The following USP8 variants were observed in gnomAD, a reference collection of about 807,000 sequenced individuals.
USP8 encodes the protein ubiquitin carboxyl-terminal hydrolase 8.
Under a neutral mutation model 130.0 loss-of-function variants are expected in USP8, and 27 were observed. That is an observed-to-expected ratio of 0.21 (90% CI 0.15 to 0.29). The LOEUF (loss-of-function observed/expected upper bound fraction) is 0.29. Ranked by LOEUF, USP8 falls within the 10% of genes least tolerant of loss-of-function variation. USP8 has a pLI of 1.00. For synonymous variants in USP8, 392 were observed against 444.1 expected, an observed-to-expected ratio of 0.88 and a Z score of 1.48; for missense variants, 1,029 against 1,312.2, an observed-to-expected ratio of 0.78 and a Z score of 3.33.
In USP8 at chr15:50,510,449, T is replaced by C. The variant is rs139172953; in HGVS notation, c.*11361T>C. On this transcript the variant is annotated 3_prime_UTR_variant, in exon 20 of 20. Coordinates refer to ENST00000307179, the MANE Select transcript of USP8 (RefSeq NM_005154.5). ...CAGTTTGTGAATTTTGGATGGATTC[T>C]GGTCTTTGAAAAAAAATGCTACTAA... 2 of 152,198 alleles carry C rather than the reference T, an allele frequency of 1.3e-5. No individual in the cohort carries two copies. The highest frequency in any genetic ancestry group is 2.4e-5 in the African/African-American group (1 of 41,530). The allele number at this position is 152,198 out of a possible 1,614,324, so 9.4% of individuals were successfully genotyped here.
At chr15:50,470,998 AAGAAC>A (rs1221774398) in intron 7 of USP8, among the ~76,000 whole-genome samples, 1 of 152,202 alleles carries the variant, frequency 6.6e-6, no homozygotes, top group African/African-American at 2.4e-5. Context: ...CAGCATAGCA[AAGAAC>A]ATGTACATGA....
rs145846038 is a variant in USP8 at position 50,503,505 on chromosome 15, C to T, written c.*4417C>T. ...AGGTGAGAAGTTGGATTGAGATCCA[C>T]ATACAAAGCCAGGACCTTTAAAGAC... is the stretch of plus-strand genomic sequence containing the variant. On this transcript the variant is annotated 3_prime_UTR_variant, in exon 20 of 20. Transcript: ENST00000307179. 3.9e-4 allele frequency: 59 copies of T among 152,328 alleles called. No individual in the cohort carries two copies. The highest frequency in any genetic ancestry group is 1.3e-3 in the African/African-American group (56 of 41,578). 9.4% of individuals were successfully genotyped at this position (152,328 alleles called of 1,614,324 possible). A position where few individuals can be genotyped will look rare whatever the true frequency, so the allele number is the denominator to read the frequency against.
chr15:50,476,943 C>G lies in USP8; in HGVS notation c.944C>G (p.Ala315Gly). 1 of 1,609,618 alleles carries G rather than the reference C, an allele frequency of 6.2e-7. No homozygotes were observed. The highest frequency in any genetic ancestry group is 8.5e-7 in the Non-Finnish European group (1 of 1,179,242). Residue 315 changes from alanine (A) to glycine (G), a missense_variant, in exon 9 of 20, where the codon GCT becomes GGT. Ala to Gly is a moderately conservative substitution (Grantham distance 60). Around this residue, in one of 4 missense-constraint regions of USP8, gnomAD observed 486 missense variants for 522.0 expected, o/e 0.93. Transcript: ENST00000307179. ...TGTTATCCCCAGTATACAACAAATGCTAAGGTCACTCCACCCCCACGACGC... is the reference window on the plus strand; with the variant it reads ...TGTTATCCCCAGTATACAACAAATGGTAAGGTCACTCCACCCCCACGACGC... ...LLCYPQYTTNAKVTPPPRRQN... is the reference protein window; with the variant it reads ...LLCYPQYTTNGKVTPPPRRQN...
At chr15:50,460,141 G>A (rs1457174125) in intron 5 of USP8, among the ~76,000 whole-genome samples, 1 of 150,982 alleles carries the variant, frequency 6.6e-6, no homozygotes, top group East Asian at 1.9e-4. Context: ...GGGATTACAG[G>A]CGCCCGCCAC....
At chr15:50,495,699 T>G (rs1189731109) in intron 16 of USP8, 149 bp from the exon 17 acceptor site, 2 of 596,944 alleles carry the variant, frequency 3.4e-6, no homozygotes, top group African/African-American at 3.7e-5. Flanking sequence ...GCTAGAATTA[T>G]TTTTTGCCAC....
chr15:50,442,686 A>G (rs1444759528), intron 3 of USP8, among the ~76,000 whole-genome samples: 1 of 152,226 alleles, frequency 6.6e-6, no homozygotes, highest in Non-Finnish European at 1.5e-5. Flanking sequence ...CAGAGGTTGC[A>G]GTGAGCCGAG....
At chr15:50,468,232 G>A (rs1283805366) in intron 7 of USP8, among the ~76,000 whole-genome samples, 9 of 123,594 alleles carry the variant, frequency 7.3e-5, no homozygotes, top group East Asian at 2.3e-4. Flanking sequence ...CACTGTACCT[G>A]GCCTTTTTTT....
At chr15:50,490,197 T>A in intron 13 of USP8, 66 bp from the exon 14 acceptor site, 1 of 1,466,268 alleles carries the variant, frequency 6.8e-7, no homozygotes, top group Non-Finnish European at 9.3e-7. Context: ...TTTGGAGTGA[T>A]TTCTTTGTTT....
At chr15:50,433,985 C>T (rs747832600) in intron 1 of USP8, among the ~76,000 whole-genome samples, 1 of 151,888 alleles carries the variant, frequency 6.6e-6, no homozygotes, top group Non-Finnish European at 1.5e-5. Context: ...GGCTGAAGTT[C>T]TTTGTCAGGT....
chr15:50,478,974 GA>G (rs1256336144), intron 10 of USP8, among the ~76,000 whole-genome samples: 2 of 152,098 alleles, frequency 1.3e-5, no homozygotes, highest in African/African-American at 4.8e-5. Flanking sequence ...AGAATCACAT[GA>G]ACCCAGGAAG....
rs546099323 is a variant in USP8 at position 50,428,408 on chromosome 15, C to T, written c.-66+3894C>T. On this transcript the variant is annotated intron_variant, in intron 1 of 19. Transcript: ENST00000307179. ...CTGGGATTACAGGCGTTAGCTACCA[C>T]GCCGGGCCTACAATTTAGTTTTTAA... Among the ~76,000 whole-genome samples, 6 of 152,316 alleles carry T rather than the reference C, an allele frequency of 3.9e-5. No individual in the cohort carries two copies. In the East Asian group the frequency reaches 7.7e-4, roughly 20 times the overall value.
intron 4 of USP8, among the ~76,000 whole-genome samples, chr15:50,454,455 C>CTT (rs112075064): frequency 3.6e-4 from 48 of 134,956 alleles, no homozygotes; most frequent in African/African-American, 4.9e-4. Flanking sequence ...ATTTTCTTTT[C>CTT]TTTTTTTTTT....
At chr15:50,424,737 G>GT (rs908913262) in intron 1 of USP8, 16 of 362,052 alleles carry the variant, frequency 4.4e-5, no homozygotes, top group Middle Eastern at 1.4e-3. Context: ...AGTTTCGTGT[G>GT]TTTTTTTGGT....
chr15:50,427,436 G>T (rs2049774463), intron 1 of USP8, among the ~76,000 whole-genome samples: 1 of 151,780 alleles, frequency 6.6e-6, no homozygotes, highest in South Asian at 2.1e-4. Context: ...TTTGTTCAAA[G>T]TCATATGATT....
chr15:50,493,787 C>A, intron 15 of USP8: 1 of 540,720 alleles, frequency 1.8e-6, no homozygotes, highest in South Asian at 1.7e-5. Context: ...AAAGGACAGA[C>A]AGGATGAGAG....
Position 50,509,667 on chromosome 15 carries a change from A to C in USP8, c.*10579A>C, listed in dbSNP as rs2052713585. On this transcript the variant is annotated 3_prime_UTR_variant, in exon 20 of 20. Transcript: ENST00000307179. ...CGTCTCAAAAAATAAAATAAAATAA[A>C]ATAAAATAAAAAAGAGACAAGTCAA... is the stretch of plus-strand genomic sequence containing the variant. The C allele has an allele frequency of 6.6e-6, 1 of 152,142 alleles. No homozygotes were observed. The highest frequency in any genetic ancestry group is 1.5e-5 in the Non-Finnish European group (1 of 68,036). The allele number at this position is 152,142 out of a possible 1,614,324, so 9.4% of individuals were successfully genotyped here.
chr15:50,454,629 A>G (rs1336857962), intron 4 of USP8, among the ~76,000 whole-genome samples: 1 of 150,320 alleles, frequency 6.7e-6, no homozygotes, highest in Non-Finnish European at 1.5e-5. Context: ...CTAATTTTGT[A>G]TTTTTACTAG....
chr15:50,457,427 A>G (rs1169514211), intron 4 of USP8, among the ~76,000 whole-genome samples: 1 of 151,834 alleles, frequency 6.6e-6, no homozygotes, highest in Non-Finnish European at 1.5e-5. Flanking sequence ...GTATGGTGGC[A>G]CACACCGGTA....
At chr15:50,450,008 C>T (rs1298284043) in intron 4 of USP8, among the ~76,000 whole-genome samples, 1 of 150,556 alleles carries the variant, frequency 6.6e-6, no homozygotes, top group South Asian at 2.1e-4. Context: ...ATTCTCCTGC[C>T]TCAGCCTCCC....
Sources: allele counts gnomAD v4.1 joint callset (sites outside exome capture counted in the v4.1 genomes callset), GRCh38; gene constraint gnomAD v4.1.1; regional missense constraint gnomAD v4.1.1; transcripts MANE v1.5; gene names NCBI Gene and HGNC (gene_info 2026-07-23, HGNC 2026-07-21).